NCKAP5: variants seen among roughly 807,000 people sequenced by gnomAD.
NCKAP5 encodes the protein NCK associated protein 5, also known as nck-associated protein 5.
A neutral mutation model predicts 167.0 loss-of-function variants in NCKAP5; 92 were observed. That is an observed-to-expected ratio of 0.55 (90% CI 0.47 to 0.66). The LOEUF is 0.66. NCKAP5 is among the 30% of genes least tolerant of loss of function. NCKAP5 has a pLI of 0.00. For missense variants in NCKAP5, 2,378 were observed against 2,315.0 expected (o/e 1.03, Z -0.56); for synonymous variants, 891 against 877.4 (o/e 1.02, Z -0.27).
intron 11 of NCKAP5, among the ~76,000 whole-genome samples, chr2:132,825,338 G>T (rs1687051861): frequency 6.6e-6 from 1 of 152,144 alleles, no homozygotes; most frequent in Non-Finnish European, 1.5e-5. Context: ...ATGAGGGATG[G>T]CACAGTTTAT....
At chr2:132,749,655 G>A (rs2104776235) in intron 16 of NCKAP5, among the ~76,000 whole-genome samples, 1 of 152,208 alleles carries the variant, frequency 6.6e-6, no homozygotes, top group East Asian at 1.9e-4. Flanking sequence ...ATGAGAAGAG[G>A]TTCTGGTCTT....
intron 4 of NCKAP5, among the ~76,000 whole-genome samples, chr2:133,268,763 C>T (rs1434709575): frequency 6.6e-6 from 1 of 152,196 alleles, no homozygotes; most frequent in Non-Finnish European, 1.5e-5. Context: ...AGCCACCGCA[C>T]CCGGCCGATT....
At chr2:132,893,951 G>C (rs1378421866) in intron 8 of NCKAP5, among the ~76,000 whole-genome samples, 1 of 152,186 alleles carries the variant, frequency 6.6e-6, no homozygotes, top group African/African-American at 2.4e-5. Flanking sequence ...GGGCCTGAAG[G>C]AAAATTGTGG....
At chr2:133,276,488 T>C (rs2089735691) in intron 4 of NCKAP5, among the ~76,000 whole-genome samples, 2 of 151,840 alleles carry the variant, frequency 1.3e-5, no homozygotes, top group Admixed American at 6.6e-5. Context: ...ATGGACAAAA[T>C]TGAAACTTTC....
intron 8 of NCKAP5, among the ~76,000 whole-genome samples, chr2:132,941,317 T>G (rs552742864): frequency 1.3e-5 from 2 of 152,234 alleles, no homozygotes; most frequent in African/African-American, 4.8e-5. Flanking sequence ...CTTCCTTTGG[T>G]GGACCACTCT....
intron 4 of NCKAP5, among the ~76,000 whole-genome samples, chr2:133,294,423 C>T (rs1574626342): frequency 6.6e-6 from 1 of 152,218 alleles, no homozygotes; most frequent in Non-Finnish European, 1.5e-5. Flanking sequence ...GGGCCTGACT[C>T]TTCTCAGAGA....
intron 8 of NCKAP5, among the ~76,000 whole-genome samples, chr2:132,943,732 G>A (rs972354801): frequency 6.6e-6 from 1 of 152,200 alleles, no homozygotes; most frequent in Non-Finnish European, 1.5e-5. Flanking sequence ...AAGGCCCTGA[G>A]AGCCAGAAGA....
At chr2:133,021,948 G>A (rs1419957937) in intron 6 of NCKAP5, among the ~76,000 whole-genome samples, 3 of 152,174 alleles carry the variant, frequency 2.0e-5, no homozygotes, top group African/African-American at 7.2e-5. Context: ...TAGTTCTTAA[G>A]CAAGGGAATG....
At chr2:132,747,186 AAAC>A (rs1679726060) in intron 16 of NCKAP5, among the ~76,000 whole-genome samples, 1 of 151,884 alleles carries the variant, frequency 6.6e-6, no homozygotes, top group African/African-American at 2.4e-5. Context: ...AAAAAAAACA[AAAC>A]AAAGAAAACC....
At chr2:133,329,423 C>T (rs1328279221) in intron 3 of NCKAP5, among the ~76,000 whole-genome samples, 2 of 152,098 alleles carry the variant, frequency 1.3e-5, no homozygotes, top group Non-Finnish European at 2.9e-5. Flanking sequence ...GAGATGTACA[C>T]AGGGGAGCGC....
At chr2:132,763,368 G>T (rs1681175044) in intron 16 of NCKAP5, among the ~76,000 whole-genome samples, 1 of 152,112 alleles carries the variant, frequency 6.6e-6, no homozygotes, top group Non-Finnish European at 1.5e-5. Context: ...AGTGTGCCAT[G>T]CGCCTTCCAA....
At chr2:133,383,130 T>C (rs1686650883) in intron 3 of NCKAP5, among the ~76,000 whole-genome samples, 2 of 152,160 alleles carry the variant, frequency 1.3e-5, no homozygotes, top group Non-Finnish European at 2.9e-5. Context: ...GTTTGTTACA[T>C]ATGTATACAT....
intron 3 of NCKAP5, among the ~76,000 whole-genome samples, chr2:133,313,869 A>T (rs72987655): frequency 0.2 from 30,260 of 152,010 alleles, 3,960 homozygotes; most frequent in African/African-American, 0.38. Context: ...AAGTCTTAGG[A>T]CCCCAGCTAC....
chr2:133,276,514 T>G (rs2089736899), intron 4 of NCKAP5, among the ~76,000 whole-genome samples: 1 of 151,870 alleles, frequency 6.6e-6, no homozygotes, highest in African/African-American at 2.4e-5. Context: ...AAAATACATT[T>G]ACCAAAATTG....
At chr2:133,365,509 C>T (rs1326924591) in intron 3 of NCKAP5, among the ~76,000 whole-genome samples, 1 of 149,574 alleles carries the variant, frequency 6.7e-6, no homozygotes, top group Non-Finnish European at 1.5e-5. Context: ...TAGAATTCTG[C>T]CATTATACTT....
intron 19 of NCKAP5, among the ~76,000 whole-genome samples, chr2:132,710,368 A>G (rs1688729437): frequency 6.6e-6 from 1 of 152,244 alleles, no homozygotes; most frequent in African/African-American, 2.4e-5. Flanking sequence ...CCACCAATTT[A>G]ACTCAACATT....
chr2:133,378,425 A>G (rs189588334), intron 3 of NCKAP5, among the ~76,000 whole-genome samples: 51 of 152,292 alleles, frequency 3.3e-4, no homozygotes, highest in African/African-American at 1.1e-3. Context: ...GTAGACTATC[A>G]AATTTTGTCA....
At chr2:133,218,456 ATATC>A (rs1453957733) in intron 4 of NCKAP5, among the ~76,000 whole-genome samples, 1 of 152,170 alleles carries the variant, frequency 6.6e-6, no homozygotes, top group Non-Finnish European at 1.5e-5. Context: ...GAAAAGGCAA[ATATC>A]ATCTTAGTGT....
intron 2 of NCKAP5, among the ~76,000 whole-genome samples, chr2:133,548,280 T>C (rs1422266238): frequency 6.6e-6 from 1 of 151,950 alleles, no homozygotes; most frequent in African/African-American, 2.4e-5. Context: ...ATGGGGAGAA[T>C]GGAACCAAGT....
Sources: gnomAD v4.1 joint callset for allele counts (sites outside exome capture counted in the v4.1 genomes callset) on GRCh38, gnomAD v4.1.1 for gene constraint, MANE v1.5 for transcripts, NCBI Gene and HGNC (gene_info 2026-07-23, HGNC 2026-07-21) for gene names.